The following CACNA1H variants were observed in gnomAD, a reference collection of about 807,000 sequenced individuals.
The protein encoded by CACNA1H is voltage-dependent T-type calcium channel subunit alpha-1H.
In CACNA1H, 149 loss-of-function variants were observed where a neutral mutation model predicts 192.5. That is an observed-to-expected ratio of 0.77 (90% CI 0.68 to 0.89). CACNA1H has a LOEUF of 0.89. Among genes scored for constraint, CACNA1H ranks in the 40% least tolerant of loss-of-function variants. The probability of loss-of-function intolerance (pLI) is 0.00; values close to 1 mark genes in which losing one functional copy is unlikely to be tolerated. For synonymous variants in CACNA1H, 2,202 were observed against 1,475.2 expected (o/e 1.49, Z -11.29); for missense variants, 4,257 against 3,423.5 (o/e 1.24, Z -6.08).
chr16:1,201,998 C>T lies in CACNA1H; in HGVS notation c.1548C>T (p.His516=). Residue 516 remains histidine, a synonymous_variant, in exon 9 of 35, where the codon CAC becomes CAT. Coordinates refer to ENST00000348261, the MANE Select transcript of CACNA1H (RefSeq NM_021098.3). ...GCAGGCACACAGCCTCGGTGCACCA[C>T]CTGGTCTACCACCACCATCACCACC... is the stretch of plus-strand genomic sequence containing the variant. ...RAGRHTASVH[H]LVYHHHHHHH... 2 of 1,539,430 alleles carry T rather than the reference C, an allele frequency of 1.3e-6. No homozygotes were observed. Among genetic ancestry groups the T allele is most frequent in the Non-Finnish European group, 1.7e-6 (2 of 1,143,776 alleles).
Position 1,218,058 on chromosome 16 carries a change from G to C in CACNA1H, c.5445+18G>C. 6.3e-7 allele frequency: 1 copy of C among 1,593,862 alleles called. No individual in the cohort carries two copies. Reference sequence around the variant, plus strand: ...TCATGAAGGTACCCGCCGCGGCCATGCCTCTGGCACCTGGCAGCCCCAGCG... The same window carrying C: ...TCATGAAGGTACCCGCCGCGGCCATCCCTCTGGCACCTGGCAGCCCCAGCG... On this transcript the variant is annotated intron_variant, in intron 32 of 34. Coordinates refer to ENST00000348261, the MANE Select transcript of CACNA1H (RefSeq NM_021098.3).
In CACNA1H at chr16:1,207,322, C is replaced by G. The variant is rs997608038; in HGVS notation, c.2955C>G (p.Ala985=). The G allele has an allele frequency of 3.7e-6, 6 of 1,610,982 alleles. No individual in the cohort carries two copies. Among genetic ancestry groups the G allele is most frequent in the Non-Finnish European group, 5.1e-6 (6 of 1,178,892 alleles). The change falls in exon 14 of 35, where the codon GCC becomes GCG. Residue 985 remains alanine, a synonymous_variant. Transcript: ENST00000348261. ...ACGTGGTCCTGTACAACGGCATGGC[C>G]TCCACCTCCTCCTGGGCCGCCCTCT... The part of the protein sequence containing the change: ...DWNVVLYNGM[A]STSSWAALYF...
At chr16:1,214,783 C>A (rs8061782) in intron 27 of CACNA1H, among the ~76,000 whole-genome samples, 189 bp from the exon 28 acceptor site, 33 of 152,246 alleles carry the variant, frequency 2.2e-4, no homozygotes, top group Admixed American at 2.0e-3. Flanking sequence ...CAGACACTTA[C>A]GGAGCACTTC....
chr16:1,205,770 G>A (rs1398725606), intron 11 of CACNA1H, among the ~76,000 whole-genome samples: 2 of 152,206 alleles, frequency 1.3e-5, no homozygotes, highest in Non-Finnish European at 2.9e-5. Flanking sequence ...GGGCGGGGAG[G>A]GAGTGAGCAG....
Position 1,220,318 on chromosome 16 carries a change from A to C in CACNA1H, c.6386A>C (p.Glu2129Ala), listed in dbSNP as rs1015977137. The C allele has an allele frequency of 6.4e-7, 1 of 1,559,492 alleles. No individual in the cohort carries two copies. Among genetic ancestry groups the C allele is most frequent in the African/African-American group, 1.4e-5 (1 of 71,290 alleles). ...GAAGCCTCTCCGGTGGCCGGCGGCG[A>C]GCGGGACCTGCGCAGGCTCTACAGC... Reference protein sequence around the residue: ...GPEASPVAGGERDLRRLYSVD... With the variant: ...GPEASPVAGGARDLRRLYSVD... The change falls in exon 35 of 35, where the codon GAG becomes GCG. Residue 2129 changes from glutamate (E) to alanine (A), a missense_variant. Glu to Ala is a moderately radical substitution (Grantham distance 107). Coordinates refer to ENST00000348261, the MANE Select transcript of CACNA1H (RefSeq NM_021098.3).
Position 1,207,438 on chromosome 16 carries a change from G to A in CACNA1H, c.3063+8G>A, listed in dbSNP as rs1245395682. 1.2e-6 allele frequency: 2 copies of A among 1,612,300 alleles called. No individual in the cohort carries two copies. The highest frequency in any genetic ancestry group is 1.7e-5 in the Admixed American group (1 of 59,956). On this transcript the variant is annotated splice_region_variant and intron_variant, in intron 14 of 34. Transcript: ENST00000348261. Reference sequence around the variant, plus strand: ...GAGGGCTTCCAGGCGGAGGTGAGGGGGCAGGGAGAGGGGCTGCCAGGAGGA... The same window carrying A: ...GAGGGCTTCCAGGCGGAGGTGAGGGAGCAGGGAGAGGGGCTGCCAGGAGGA...
intron 8 of CACNA1H, 26 bp downstream of exon 8, chr16:1,200,834 A>G (rs779855551): frequency 4.7e-6 from 7 of 1,482,464 alleles, no homozygotes; most frequent in Admixed American, 2.0e-5. Flanking sequence ...AGTGTTCGCC[A>G]TGATGGGCCC....
chr16:1,166,767 C>T (rs2151682523), intron 2 of CACNA1H, among the ~76,000 whole-genome samples: 2 of 152,302 alleles, frequency 1.3e-5, no homozygotes, highest in East Asian at 3.9e-4. Context: ...AGAGCCCTGA[C>T]CCTTCCACGG....
chr16:1,210,342 C>CCCCACAAA, intron 18 of CACNA1H, 28 bp from the exon 19 acceptor site: 22 of 999,070 alleles, frequency 2.2e-5, no homozygotes, highest in Non-Finnish European at 2.8e-5. Flanking sequence ...CGCCCCGCCC[C>CCCCACAAA]ACCTCTCACC....
At chr16:1,161,304 G>A (rs1201544428) in intron 2 of CACNA1H, among the ~76,000 whole-genome samples, 2 of 152,218 alleles carry the variant, frequency 1.3e-5, no homozygotes, top group Non-Finnish European at 2.9e-5. Context: ...CGGTGGCAGA[G>A]GTGGGGGCAA....
Position 1,208,121 on chromosome 16 carries a change from C to A in CACNA1H, c.3263C>A (p.Pro1088His), listed in dbSNP as rs373190026. Residue 1088 changes from proline (P) to histidine (H), a missense_variant, in exon 16 of 35, where the codon CCC becomes CAC. Physicochemically the swap from Pro to His is moderately conservative, Grantham distance 77. Transcript: ENST00000348261. ...ACAGCTGCCACGCCCATGCCTACCC[C>A]CAAGAGCTCACCATTCCTGGATGCA... ...MCTAATPMPT[P>H]KSSPFLDAAP... 1.9e-6 allele frequency: 3 copies of A among 1,594,088 alleles called. No homozygotes were observed. The highest frequency in any genetic ancestry group is 3.5e-5 in the Admixed American group (2 of 57,852).
At position 1,207,100 on chromosome 16, in the gene CACNA1H, C is replaced by T. The variant is rs56990251; in HGVS notation, c.2889C>T (p.Ala963=). 2.1e-5 allele frequency: 34 copies of T among 1,595,380 alleles called. No homozygotes were observed. The Admixed American group carries it at 3.6e-4, about 17-fold the overall frequency. ...DRKNFDSLLW[A]IVTVFQILTQ... Reference sequence around the variant, plus strand: ...AGAACTTCGACTCCCTGCTGTGGGCCATCGTCACCGTGTTCCAGGTAGTGC... The same window carrying T: ...AGAACTTCGACTCCCTGCTGTGGGCTATCGTCACCGTGTTCCAGGTAGTGC... The change falls in exon 13 of 35, where the codon GCC becomes GCT. Residue 963 remains alanine (A), a synonymous_variant. Coordinates refer to ENST00000348261, the MANE Select transcript of CACNA1H (RefSeq NM_021098.3).
At chr16:1,210,178 C>T (rs1353407598) in intron 18 of CACNA1H, 43 bp downstream of exon 18, 2 of 1,474,990 alleles carry the variant, frequency 1.4e-6, no homozygotes, top group Admixed American at 2.0e-5. Context: ...AGTTCCACCC[C>T]ACGGGACCCC....
Position 1,207,016 on chromosome 16 carries a change from C to A in CACNA1H, c.2805C>A (p.His935Gln). The A allele has an allele frequency of 6.3e-7, 1 of 1,592,762 alleles. No homozygotes were observed. The highest frequency in any genetic ancestry group is 8.5e-7 in the Non-Finnish European group (1 of 1,169,682). The change falls in exon 13 of 35, where the codon CAC becomes CAA. Residue 935 changes from histidine to glutamine, a missense_variant. Coordinates refer to ENST00000348261, the MANE Select transcript of CACNA1H (RefSeq NM_021098.3). ...CCACCCTCAGCATCCTGGGCATGCA[C>A]CTTTTCGGCTGCAAGTTCAGCCTGA... ...FIFIFSILGM[H>Q]LFGCKFSLKT...
intron 2 of CACNA1H, among the ~76,000 whole-genome samples, chr16:1,172,331 C>T (rs979120621): frequency 4.6e-5 from 7 of 152,300 alleles, no homozygotes; most frequent in Non-Finnish European, 7.4e-5. Flanking sequence ...GGAGCCAGGC[C>T]GTGCCATCCC....
Position 1,207,797 on chromosome 16 carries a change from G to C in CACNA1H, c.3091G>C (p.Glu1031Gln), listed in dbSNP as rs548097951. ...EGDANRSDTD[E>Q]DKTSVHFEED... ...CGATGCCAACAGATCCGACACGGAC[G>C]AGGACAAGACGTCGGTCCACTTCGA... The change falls in exon 15 of 35, where the codon GAG becomes CAG. Residue 1031 changes from glutamate to glutamine, a missense_variant. Glu to Gln is a conservative substitution (Grantham distance 29). Coordinates refer to ENST00000348261, the MANE Select transcript of CACNA1H (RefSeq NM_021098.3). The C allele has an allele frequency of 2.5e-6, 4 of 1,602,942 alleles. No individual in the cohort carries two copies. The highest frequency in any genetic ancestry group is 3.4e-6 in the Non-Finnish European group (4 of 1,175,074).
chr16:1,189,228 G>A (rs1002763058), intron 2 of CACNA1H, among the ~76,000 whole-genome samples: 2 of 152,038 alleles, frequency 1.3e-5, no homozygotes, highest in African/African-American at 2.4e-5. Flanking sequence ...GGGCGGGACT[G>A]GTTTTCTTCA....
chr16:1,190,070 G>T lies in CACNA1H; in HGVS notation c.300-4902G>T, dbSNP rs117959567. ...GAGTGGGTGCATTGCTGCTGGTTGG[G>T]CCTCAGGGTCTGGTGGAGGCTCCCT... is the stretch of plus-strand genomic sequence containing the variant. On this transcript the variant is annotated intron_variant, in intron 2 of 34. Transcript: ENST00000348261. Among the ~76,000 whole-genome samples, 1,204 of 152,312 alleles carry T rather than the reference G, an allele frequency of 7.9e-3. 10 individuals are homozygous for T. Among genetic ancestry groups the T allele is most frequent in the Middle Eastern group, 0.031 (9 of 294 alleles).
intron 2 of CACNA1H, among the ~76,000 whole-genome samples, chr16:1,165,458 C>T (rs1179295026): frequency 6.6e-6 from 1 of 152,210 alleles, no homozygotes; most frequent in African/African-American, 2.4e-5. Context: ...CCTATGGTCT[C>T]AGGGAGCCGC....
Sources: allele counts gnomAD v4.1 joint callset (sites outside exome capture counted in the v4.1 genomes callset), GRCh38; gene constraint gnomAD v4.1.1; transcripts MANE v1.5; gene names NCBI Gene and HGNC (gene_info 2026-07-23, HGNC 2026-07-21).